WNT2: variants seen among roughly 807,000 people sequenced by gnomAD.
WNT2 encodes Wnt family member 2.
WNT2 carries 12 observed loss-of-function variants against 36.9 expected under a neutral mutation model. The ratio of observed to expected loss-of-function variants is 0.33; its 90% confidence interval spans 0.21 to 0.53. The LOEUF (loss-of-function observed/expected upper bound fraction) is 0.53, where lower values mean the gene tolerates loss of function less well. WNT2 is among the 20% of genes least tolerant of loss of function. WNT2 has a pLI of 0.95. For missense variants in WNT2, 379 were observed against 473.1 expected (o/e 0.80, Z 1.84); for synonymous variants, 163 against 174.6 (o/e 0.93, Z 0.52).
chr7:117,287,647 C>A (rs563296988), intron 4 of WNT2, among the ~76,000 whole-genome samples: 1 of 152,274 alleles, frequency 6.6e-6, no homozygotes, highest in African/African-American at 2.4e-5. Context: ...GTGGTCAACA[C>A]ATATGTGCTG....
chr7:117,286,167 T>C (rs1794575286), intron 4 of WNT2, among the ~76,000 whole-genome samples: 1 of 152,146 alleles, frequency 6.6e-6, no homozygotes, highest in South Asian at 2.1e-4. Flanking sequence ...ATCACATAAG[T>C]TTGGGACCAT....
chr7:117,279,286 T>A (rs1794438776), intron 4 of WNT2, among the ~76,000 whole-genome samples: 1 of 152,192 alleles, frequency 6.6e-6, no homozygotes, highest in African/African-American at 2.4e-5. Context: ...AACAAAGCAT[T>A]GTAGACATTT....
intron 3 of WNT2, among the ~76,000 whole-genome samples, chr7:117,306,167 C>A (rs1459313187): frequency 2.0e-5 from 3 of 152,104 alleles, no homozygotes; most frequent in Admixed American, 2.0e-4. Context: ...TCTTTCATTT[C>A]TTTTACTATT....
At chr7:117,316,425 C>G (rs1389713183) in intron 2 of WNT2, among the ~76,000 whole-genome samples, 1 of 152,140 alleles carries the variant, frequency 6.6e-6, no homozygotes, top group Admixed American at 6.5e-5. Context: ...AATATATTAA[C>G]AATCCAAATA....
intron 1 of WNT2, among the ~76,000 whole-genome samples, chr7:117,321,573 T>C (rs149855365): frequency 6.6e-6 from 1 of 152,360 alleles, no homozygotes; most frequent in African/African-American, 2.4e-5. Flanking sequence ...ACCTTTTATA[T>C]AACCCAAGCT....
At chr7:117,321,090 G>A (rs905717481) in intron 1 of WNT2, among the ~76,000 whole-genome samples, 27 of 152,316 alleles carry the variant, frequency 1.8e-4, no homozygotes, top group Non-Finnish European at 3.4e-4. Flanking sequence ...GGCAAAGTCG[G>A]CATTTGGGGA....
chr7:117,302,874 G>A (rs1187867300), intron 3 of WNT2, among the ~76,000 whole-genome samples: 1 of 152,154 alleles, frequency 6.6e-6, no homozygotes, highest in Non-Finnish European at 1.5e-5. Context: ...AGGGAAAAAT[G>A]TTCTTTTACA....
chr7:117,279,000 C>T (rs1022569543), intron 4 of WNT2, among the ~76,000 whole-genome samples: 4 of 152,320 alleles, frequency 2.6e-5, no homozygotes, highest in Middle Eastern at 3.4e-3. Context: ...AACTGTCTCT[C>T]CTGCTGCAGT....
At chr7:117,312,743 A>G (rs113562209) in intron 3 of WNT2, among the ~76,000 whole-genome samples, 102 of 152,362 alleles carry the variant, frequency 6.7e-4, no homozygotes, top group Middle Eastern at 3.4e-3. Context: ...TAAATGATAT[A>G]GCACAGAGGA....
chr7:117,279,205 C>G (rs1158126030), intron 4 of WNT2, among the ~76,000 whole-genome samples: 1 of 152,142 alleles, frequency 6.6e-6, no homozygotes, highest in African/African-American at 2.4e-5. Flanking sequence ...AGCTAGAAAG[C>G]CTTTTATTCA....
rs1012882528 is a variant in WNT2, at chr7:117,275,869, A to G, written c.*2286T>C. On this transcript the variant is annotated 3_prime_UTR_variant, in exon 5 of 5. Coordinates refer to ENST00000265441, the MANE Select transcript of WNT2 (RefSeq NM_003391.3). The stretch of plus-strand genomic sequence containing the variant: ...TCTCCCTTATGGATTAGGACAATTT[A>G]TGTAGGTTCCTACGTGGATATCCTT... Among the ~76,000 whole-genome samples, 4 of 152,240 alleles carry G rather than the reference A, an allele frequency of 2.6e-5. No homozygotes were observed. The highest frequency in any genetic ancestry group is 5.9e-5 in the Non-Finnish European group (4 of 68,044).
chr7:117,322,872 T>A lies in WNT2; in HGVS notation c.83+35A>T. 1 of 1,590,428 alleles carries A rather than the reference T, an allele frequency of 6.3e-7. No homozygotes were observed. ...GGCCAATGCGGTCCCCATTCCGATC[T>A]CCAAAATCCCCCGCGCCCGTGCGCG... On this transcript the variant is annotated intron_variant, in intron 1 of 4. Transcript: ENST00000265441. This position sits in a 1 kb window ranked among gnomAD's most constrained non-coding sequence, Gnocchi z 5.4.
In WNT2 at chr7:117,315,310, C is replaced by A; in HGVS notation, c.349G>T (p.Ala117Ser). The A allele has an allele frequency of 6.2e-7, 1 of 1,614,118 alleles. No homozygotes were observed. ...CTGGTGATGGCAAATACAACTCCAGCTGAGGAGATGGCATAAACAAAGGCA... is the reference window on the plus strand; with the variant it reads ...CTGGTGATGGCAAATACAACTCCAGATGAGGAGATGGCATAAACAAAGGCA... ...ESAFVYAISS[A>S]GVVFAITRAC... The change falls in exon 3 of 5, where the codon GCT becomes TCT. Residue 117 changes from alanine (A) to serine (S), a missense_variant. Ala to Ser is a moderately conservative substitution (Grantham distance 99, BLOSUM62 1). Transcript: ENST00000265441.
At chr7:117,317,880 T>A (rs1795249954) in intron 2 of WNT2, among the ~76,000 whole-genome samples, 1 of 152,190 alleles carries the variant, frequency 6.6e-6, no homozygotes, top group Non-Finnish European at 1.5e-5. Flanking sequence ...CTTTAAAGTA[T>A]TTGCTTTATA....
chr7:117,285,794 C>T (rs993964795), intron 4 of WNT2, among the ~76,000 whole-genome samples: 3 of 152,132 alleles, frequency 2.0e-5, no homozygotes, highest in Non-Finnish European at 2.9e-5. Context: ...CATAGTTCAC[C>T]TAAGAGGAAA....
At chr7:117,320,891 A>G (rs1219733509) in intron 1 of WNT2, 98 bp from the exon 2 acceptor site, 10 of 1,025,780 alleles carry the variant, frequency 9.7e-6, no homozygotes, top group African/African-American at 1.6e-5. Flanking sequence ...CACTTTTCAA[A>G]TATGAATTCC....
At position 117,284,426 on chromosome 7, in the gene WNT2, A is replaced by G. The variant is rs1264501286; in HGVS notation, c.854-6042T>C. Among the ~76,000 whole-genome samples, 2 of 152,206 alleles carry G rather than the reference A, an allele frequency of 1.3e-5. No individual in the cohort carries two copies. Among genetic ancestry groups the G allele is most frequent in the Non-Finnish European group, 2.9e-5 (2 of 68,030 alleles). On this transcript the variant is annotated intron_variant, in intron 4 of 4. Coordinates refer to ENST00000265441, the MANE Select transcript of WNT2 (RefSeq NM_003391.3). The surrounding 1 kb of genome is among the most constrained non-coding windows in gnomAD (Gnocchi z 5.2). Reference sequence around the variant, plus strand: ...ACCAACTGCCTATTTGTTTAGTTCTAAATCTTTGGGACACATACTTTTAGA... The same window carrying G: ...ACCAACTGCCTATTTGTTTAGTTCTGAATCTTTGGGACACATACTTTTAGA...
chr7:117,289,950 C>T (rs756199801), intron 4 of WNT2, among the ~76,000 whole-genome samples: 6 of 152,024 alleles, frequency 3.9e-5, no homozygotes, highest in African/African-American at 7.3e-5. Flanking sequence ...AGGAATGACT[C>T]GCAGGTTTAT....
At chr7:117,304,165 G>C (rs1413726468) in intron 3 of WNT2, among the ~76,000 whole-genome samples, 1 of 152,164 alleles carries the variant, frequency 6.6e-6, no homozygotes, top group East Asian at 1.9e-4. Flanking sequence ...TAATAGCTTG[G>C]CTGGGTATAG....
Sources: allele counts gnomAD v4.1 joint callset (sites outside exome capture counted in the v4.1 genomes callset), GRCh38; gene constraint gnomAD v4.1.1; non-coding constraint Gnocchi (gnomAD v3.1); transcripts MANE v1.5; gene names NCBI Gene and HGNC (gene_info 2026-07-23, HGNC 2026-07-21).